GALNT13: variants seen among roughly 807,000 people sequenced by gnomAD.
GALNT13 encodes polypeptide N-acetylgalactosaminyltransferase 13.
In GALNT13, 28 loss-of-function variants were observed where a neutral mutation model predicts 64.2. The observed-to-expected ratio is 0.44, with a 90% CI of 0.32 to 0.60. The LOEUF is 0.60. GALNT13 is among the 20% of genes least tolerant of loss of function. The pLI, the probability that GALNT13 is intolerant of heterozygous loss-of-function variation, is 0.05. For synonymous variants in GALNT13, 214 were observed against 224.6 expected, an observed-to-expected ratio of 0.95 and a Z score of 0.42; for missense variants, 577 against 669.8, an observed-to-expected ratio of 0.86 and a Z score of 1.53.
chr2:153,582,287 C>A, the GALNT13 span, among the ~76,000 whole-genome samples: 40 of 152,168 alleles, frequency 2.6e-4, no homozygotes, highest in Non-Finnish European at 1.5e-4. Context: ...GTATTGATGA[C>A]AATCTCAAGA....
the GALNT13 span, among the ~76,000 whole-genome samples, chr2:153,834,164 G>A: frequency 6.6e-6 from 1 of 152,006 alleles, no homozygotes; most frequent in Non-Finnish European, 1.5e-5. Flanking sequence ...ATTTTCTGTT[G>A]TAAAGCTCTC....
chr2:153,364,796 A>T, the GALNT13 span, among the ~76,000 whole-genome samples: 3 of 152,230 alleles, frequency 2.0e-5, no homozygotes, highest in African/African-American at 7.2e-5. Context: ...ATATCCTGAA[A>T]ATGGCCATAC....
the GALNT13 span, among the ~76,000 whole-genome samples, chr2:153,077,579 G>A: frequency 6.6e-6 from 1 of 152,098 alleles, no homozygotes; most frequent in Non-Finnish European, 1.5e-5. Context: ...TGCTGCTTAC[G>A]ACTAGCTGAG....
the GALNT13 span, among the ~76,000 whole-genome samples, chr2:153,621,726 C>G: frequency 6.6e-6 from 1 of 152,104 alleles, no homozygotes; most frequent in South Asian, 2.1e-4. Flanking sequence ...CAGTACCCAC[C>G]ACCACCTTAA....
chr2:153,575,058 G>C, the GALNT13 span, among the ~76,000 whole-genome samples: 1 of 152,098 alleles, frequency 6.6e-6, no homozygotes, highest in Non-Finnish European at 1.5e-5. Context: ...TGTGAACTAA[G>C]CTGTTTGTGC....
At chr2:153,376,667 G>T in the GALNT13 span, among the ~76,000 whole-genome samples, 37 of 152,226 alleles carry the variant, frequency 2.4e-4, no homozygotes, top group African/African-American at 8.7e-4. Context: ...AGTGGGTGAG[G>T]GAAGGGATTT....
chr2:153,363,048 T>A, the GALNT13 span, among the ~76,000 whole-genome samples: 18 of 152,250 alleles, frequency 1.2e-4, no homozygotes, highest in Middle Eastern at 3.4e-3. Flanking sequence ...CAGAACATAG[T>A]GCAATCAAAT....
At chr2:154,284,262 C>A (rs1692131265) in intron 8 of GALNT13, among the ~76,000 whole-genome samples, 1 of 152,180 alleles carries the variant, frequency 6.6e-6, no homozygotes, top group South Asian at 2.1e-4. Flanking sequence ...TGACCAACAT[C>A]TTCTCTTTCC....
chr2:154,195,699 C>A (rs1471843760), intron 4 of GALNT13, among the ~76,000 whole-genome samples: 1 of 151,822 alleles, frequency 6.6e-6, no homozygotes, highest in African/African-American at 2.4e-5. Flanking sequence ...TAAAAATGAG[C>A]CTCTTCAAAT....
chr2:154,431,494 T>C (rs1485296624), intron 11 of GALNT13, among the ~76,000 whole-genome samples: 1 of 152,222 alleles, frequency 6.6e-6, no homozygotes, highest in Non-Finnish European at 1.5e-5. Context: ...TTTAACAGAA[T>C]ATTTTAGATC....
chr2:153,451,957 A>C, the GALNT13 span, among the ~76,000 whole-genome samples: 252 of 152,316 alleles, frequency 1.7e-3, no homozygotes, highest in African/African-American at 5.7e-3. Context: ...CTGACTAAAA[A>C]ATGTGGATTC....
chr2:154,271,982 C>A (rs570620756), intron 8 of GALNT13, among the ~76,000 whole-genome samples: 29 of 151,358 alleles, frequency 1.9e-4, no homozygotes, highest in African/African-American at 5.3e-4. Flanking sequence ...AATTATGGAA[C>A]CCTGAAAGAT....
the GALNT13 span, among the ~76,000 whole-genome samples, chr2:153,112,457 G>T: frequency 6.6e-6 from 1 of 151,112 alleles, no homozygotes; most frequent in Admixed American, 6.6e-5. Context: ...CAGCTATTTT[G>T]GTAGTAACTG....
At chr2:153,523,422 C>G in the GALNT13 span, among the ~76,000 whole-genome samples, 1 of 152,156 alleles carries the variant, frequency 6.6e-6, no homozygotes, top group African/African-American at 2.4e-5. Flanking sequence ...GAACTGACAT[C>G]TTAACAATAT....
intron 3 of GALNT13, among the ~76,000 whole-genome samples, chr2:153,946,350 A>G (rs1027198199): frequency 2.0e-5 from 3 of 152,178 alleles, no homozygotes; most frequent in Non-Finnish European, 2.9e-5. Flanking sequence ...GTGAAATTTA[A>G]CAATGCAAGG....
At chr2:154,232,080 C>A (rs1023832895) in intron 4 of GALNT13, among the ~76,000 whole-genome samples, 1 of 151,836 alleles carries the variant, frequency 6.6e-6, no homozygotes, top group Non-Finnish European at 1.5e-5. Context: ...CCCAGTCTAA[C>A]TCTAGGCTTA....
the GALNT13 span, among the ~76,000 whole-genome samples, chr2:153,511,295 G>T: frequency 0.03 from 4,621 of 151,876 alleles, 90 homozygotes; most frequent in Non-Finnish European, 0.044. Flanking sequence ...AAAAAAAAGG[G>T]GCGGGGGTTG....
chr2:154,298,134 C>A (rs1301610631), intron 8 of GALNT13, among the ~76,000 whole-genome samples: 3 of 151,270 alleles, frequency 2.0e-5, no homozygotes, highest in Middle Eastern at 3.4e-3. Context: ...GAGATGAAGG[C>A]CAACATTTAA....
intron 8 of GALNT13, among the ~76,000 whole-genome samples, chr2:154,268,638 G>C (rs1691156305): frequency 6.7e-6 from 1 of 149,288 alleles, no homozygotes; most frequent in African/African-American, 2.4e-5. Flanking sequence ...GAGAGAGACA[G>C]AGAGAGAGAG....
Sources: allele counts gnomAD v4.1 joint callset (sites outside exome capture counted in the v4.1 genomes callset), GRCh38; gene constraint gnomAD v4.1.1; transcripts MANE v1.5; gene names NCBI Gene and HGNC (gene_info 2026-07-23, HGNC 2026-07-21).